Variants in ICA1 observed in about 807,000 individuals in gnomAD.
ICA1 encodes islet cell autoantigen 1.
A neutral mutation model predicts 71.0 loss-of-function variants in ICA1; 40 were observed. That is an observed-to-expected ratio of 0.56 (90% CI 0.44 to 0.73). The LOEUF is 0.73. ICA1 is among the 30% of genes least tolerant of loss of function. The pLI is 0.00. For missense variants in ICA1, 578 were observed against 576.5 expected, an observed-to-expected ratio of 1.00 and a Z score of -0.03; for synonymous variants, 207 against 209.5, an observed-to-expected ratio of 0.99 and a Z score of 0.10.
At chr7:8,219,494 G>A (rs1010134834) in intron 5 of ICA1, among the ~76,000 whole-genome samples, 2 of 152,214 alleles carry the variant, frequency 1.3e-5, no homozygotes, top group African/African-American at 4.8e-5. Context: ...ATGGTGCAAT[G>A]AACTATTTAA....
At chr7:8,213,255 G>A (rs1461747277) in intron 6 of ICA1, among the ~76,000 whole-genome samples, 4 of 152,222 alleles carry the variant, frequency 2.6e-5, no homozygotes, top group Non-Finnish European at 5.9e-5. Context: ...AGAATTAGCA[G>A]AGGAAGAGCA....
At chr7:8,175,060 C>T (rs923232441) in intron 6 of ICA1, among the ~76,000 whole-genome samples, 15 of 152,096 alleles carry the variant, frequency 9.9e-5, no homozygotes, top group Non-Finnish European at 1.8e-4. Context: ...ATCTCATGTG[C>T]TTGTCAGGTT....
At chr7:8,211,757 G>T (rs1793866897) in intron 6 of ICA1, among the ~76,000 whole-genome samples, 1 of 152,134 alleles carries the variant, frequency 6.6e-6, no homozygotes, top group South Asian at 2.1e-4. Flanking sequence ...TGCACCAGAG[G>T]TACCTATAAA....
chr7:8,245,754 T>A (rs528967981), intron 1 of ICA1, among the ~76,000 whole-genome samples: 10 of 151,724 alleles, frequency 6.6e-5, no homozygotes, highest in African/African-American at 2.2e-4. Flanking sequence ...AAATATAGTA[T>A]GTTATACTTT....
intron 1 of ICA1, among the ~76,000 whole-genome samples, chr7:8,238,563 T>C (rs1208126046): frequency 6.6e-6 from 1 of 152,210 alleles, no homozygotes; most frequent in Non-Finnish European, 1.5e-5. Flanking sequence ...TTATCCAATA[T>C]ATGGTTTGCA....
In ICA1 at chr7:8,218,459, TCCA is replaced by T; in HGVS notation, c.422_424del (p.Val141del). 6.2e-7 allele frequency: 1 copy of T among 1,614,110 alleles called. No homozygotes were observed. The highest frequency in any genetic ancestry group is 8.5e-7 in the Non-Finnish European group (1 of 1,180,004). On this transcript the variant is annotated inframe_deletion, in exon 6 of 14. Coordinates refer to ENST00000402384, the MANE Select transcript of ICA1 (RefSeq NM_001136020.3). The stretch of plus-strand genomic sequence containing the variant: ...TGAGATGGCCCGATGCCGAAAAGTC[TCCA>T]CTTCTTGGTGAAATCGACACAAAGG...
rs536147212 is a variant in ICA1 at position 8,226,624 on chromosome 7, A to C, written c.256+1977T>G. Among the ~76,000 whole-genome samples, 6 of 152,298 alleles carry C rather than the reference A, an allele frequency of 3.9e-5. No individual in the cohort carries two copies. In the South Asian group the frequency reaches 1.2e-3, roughly 32 times the overall value. On this transcript the variant is annotated intron_variant, in intron 4 of 13. Coordinates refer to ENST00000402384, the MANE Select transcript of ICA1 (RefSeq NM_001136020.3). This position sits in a 1 kb window ranked among gnomAD's most constrained non-coding sequence, Gnocchi z 4.4. Reference sequence around the variant, plus strand: ...TTAACCACACTATTTTTAGTCTTCCATCAAAGTTGGGATCTCTTTCAAGTC... The same window carrying C: ...TTAACCACACTATTTTTAGTCTTCCCTCAAAGTTGGGATCTCTTTCAAGTC...
At chr7:8,114,096 C>T (rs1007253613) in intron 13 of ICA1, 52 bp from the exon 14 acceptor site, 3 of 1,610,348 alleles carry the variant, frequency 1.9e-6, no homozygotes, top group Non-Finnish European at 2.5e-6. Flanking sequence ...ATGTCCACCT[C>T]TGCCATGCGG....
At chr7:8,122,591 G>A (rs574830913) in intron 13 of ICA1, among the ~76,000 whole-genome samples, 14 of 152,338 alleles carry the variant, frequency 9.2e-5, no homozygotes, top group Admixed American at 7.2e-4. Flanking sequence ...AATACACCCC[G>A]TGGTCTTTTC....
At chr7:8,201,612 A>G (rs1285572975) in intron 6 of ICA1, among the ~76,000 whole-genome samples, 1 of 152,250 alleles carries the variant, frequency 6.6e-6, no homozygotes, top group African/African-American at 2.4e-5. Flanking sequence ...CTGCGTTAAA[A>G]TAAAGCAGTG....
At chr7:8,145,746 G>GTATATATA (rs199855161) in intron 8 of ICA1, among the ~76,000 whole-genome samples, 17 of 33,488 alleles carry the variant, frequency 5.1e-4, no homozygotes, top group Admixed American at 8.5e-4. Context: ...TGGAATCATT[G>GTATATATA]TGTATATATA....
intron 6 of ICA1, among the ~76,000 whole-genome samples, chr7:8,180,510 A>G (rs1409565547): frequency 6.6e-6 from 1 of 152,140 alleles, no homozygotes; most frequent in Non-Finnish European, 1.5e-5. Context: ...TTTTACATGA[A>G]CATTCATTCT....
At chr7:8,191,266 C>T (rs1211394110) in intron 6 of ICA1, among the ~76,000 whole-genome samples, 1 of 152,194 alleles carries the variant, frequency 6.6e-6, no homozygotes, top group Non-Finnish European at 1.5e-5. Context: ...ACAATAGCTA[C>T]AACATAAATA....
intron 6 of ICA1, among the ~76,000 whole-genome samples, chr7:8,214,743 G>C (rs1352156163): frequency 6.6e-6 from 1 of 152,148 alleles, no homozygotes. Flanking sequence ...AAAACAGATT[G>C]CTTTGTTTAA....
chr7:8,195,497 A>G (rs1787156187), intron 6 of ICA1, among the ~76,000 whole-genome samples: 1 of 152,058 alleles, frequency 6.6e-6, no homozygotes, highest in Non-Finnish European at 1.5e-5. Flanking sequence ...AGCCAAGATC[A>G]TACCACTGCA....
At chr7:8,199,066 T>C (rs879784455) in intron 6 of ICA1, among the ~76,000 whole-genome samples, 1 of 152,174 alleles carries the variant, frequency 6.6e-6, no homozygotes, top group Non-Finnish European at 1.5e-5. Flanking sequence ...CCAGTTAAAA[T>C]GGCCTTTATC....
At chr7:8,194,301 T>G (rs1786681114) in intron 6 of ICA1, among the ~76,000 whole-genome samples, 1 of 152,184 alleles carries the variant, frequency 6.6e-6, no homozygotes, top group African/African-American at 2.4e-5. Flanking sequence ...TAATAAATGT[T>G]AATATCAGTG....
At chr7:8,157,575 C>T (rs1248781900) in intron 7 of ICA1, 1 of 230,612 alleles carries the variant, frequency 4.3e-6, no homozygotes, top group African/African-American at 2.3e-5. Flanking sequence ...CACTGGCTTT[C>T]TTAGAACTTA....
intron 1 of ICA1, among the ~76,000 whole-genome samples, chr7:8,254,491 T>G (rs1039737627): frequency 2.0e-5 from 3 of 148,518 alleles, no homozygotes; most frequent in Non-Finnish European, 4.4e-5. Flanking sequence ...GCACCACACT[T>G]GCGTCTGCTG....
Sources: gnomAD v4.1 joint callset for allele counts (sites outside exome capture counted in the v4.1 genomes callset) on GRCh38, gnomAD v4.1.1 for gene constraint, Gnocchi (gnomAD v3.1) non-coding constraint, MANE v1.5 for transcripts, NCBI Gene and HGNC (gene_info 2026-07-23, HGNC 2026-07-21) for gene names.